EEIG2: variants seen among roughly 807,000 people sequenced by gnomAD.
EEIG2 encodes the protein family with sequence similarity 102 member B.
chr1:108,632,745 G>A, the EEIG2 span, among the ~76,000 whole-genome samples: 1 of 151,166 alleles, frequency 6.6e-6, no homozygotes. Context: ...AATATACTCA[G>A]TAAGCCCTGG....
the EEIG2 span, among the ~76,000 whole-genome samples, chr1:108,588,916 A>G: frequency 1.3e-5 from 2 of 152,234 alleles, no homozygotes; most frequent in East Asian, 1.9e-4. Flanking sequence ...GCATGAAGCT[A>G]TAAGACTTTT....
At chr1:108,636,680 G>A in the EEIG2 span, 1 of 152,128 alleles carries the variant, frequency 6.6e-6, no homozygotes, top group Non-Finnish European at 1.5e-5. Context: ...CTGAGAGAGA[G>A]AATGTTCTGA....
At chr1:108,596,137 C>T in the EEIG2 span, among the ~76,000 whole-genome samples, 2 of 149,948 alleles carry the variant, frequency 1.3e-5, no homozygotes, top group Non-Finnish European at 3.0e-5. Context: ...AAGATACCAT[C>T]CAATTTTCAT....
chr1:108,612,073 G>T, the EEIG2 span: 2 of 702,278 alleles, frequency 2.8e-6, no homozygotes, highest in East Asian at 5.5e-5. Context: ...AATAAATGAA[G>T]TTGGAGAAAA....
At chr1:108,626,750 C>T in the EEIG2 span, 1 of 152,164 alleles carries the variant, frequency 6.6e-6, no homozygotes, top group African/African-American at 2.4e-5. Flanking sequence ...CCCCTTTTCC[C>T]TCGGTTATTA....
chr1:108,560,590 G>A, the EEIG2 span: 1 of 1,602,124 alleles, frequency 6.2e-7, no homozygotes, highest in South Asian at 1.1e-5. Flanking sequence ...GCGCCGCCTC[G>A]CCCCTTTCTG....
chr1:108,600,446 A>C, the EEIG2 span: 6 of 1,164,832 alleles, frequency 5.2e-6, no homozygotes, highest in African/African-American at 1.5e-5. Flanking sequence ...TACACTGTTT[A>C]CAAATACTGG....
the EEIG2 span, among the ~76,000 whole-genome samples, chr1:108,579,738 G>GGTGTGT: frequency 9.3e-4 from 101 of 108,036 alleles, 1 homozygote; most frequent in African/African-American, 3.3e-3. Context: ...TTGTTTTTTT[G>GGTGTGT]GTGTGTGTGT....
the EEIG2 span, among the ~76,000 whole-genome samples, chr1:108,579,766 T>TGAGAGAGAGAGAGAGAGAGAGAGAGA: frequency 6.7e-5 from 1 of 14,828 alleles, no homozygotes; most frequent in Non-Finnish European, 2.0e-4. Context: ...TGTGTGTGTG[T>TGAGAGAGAGAGAGAGAGAGAGAGAGA]GTGTGTGAGA....
the EEIG2 span, among the ~76,000 whole-genome samples, chr1:108,616,124 C>CTTTTT: frequency 4.6e-5 from 6 of 129,800 alleles, no homozygotes; most frequent in African/African-American, 5.7e-5. Flanking sequence ...CCCACTTCTT[C>CTTTTT]TTTTTTTTTT....
chr1:108,606,305 A>G, the EEIG2 span: 1 of 1,269,658 alleles, frequency 7.9e-7, no homozygotes, highest in South Asian at 1.6e-5. Context: ...GCTTATTGCT[A>G]TTTATAGGCT....
the EEIG2 span, chr1:108,560,398 G>T: frequency 1.3e-6 from 2 of 1,552,142 alleles, no homozygotes; most frequent in Non-Finnish European, 1.7e-6. Flanking sequence ...GCCCGGCCGT[G>T]CGCCCAGCTT....
At chr1:108,565,087 G>T in the EEIG2 span, among the ~76,000 whole-genome samples, 1 of 152,212 alleles carries the variant, frequency 6.6e-6, no homozygotes, top group East Asian at 1.9e-4. Flanking sequence ...TTATTAAAAT[G>T]GTCAGGGTAA....
the EEIG2 span, among the ~76,000 whole-genome samples, chr1:108,607,397 C>T: frequency 6.6e-6 from 1 of 152,130 alleles, no homozygotes. Flanking sequence ...ATATGCCCAC[C>T]GTAAACTAGT....
the EEIG2 span, among the ~76,000 whole-genome samples, chr1:108,579,836 G>T: frequency 7.6e-6 from 1 of 131,846 alleles, no homozygotes; most frequent in African/African-American, 2.7e-5. Flanking sequence ...GCAGTGCGAT[G>T]ATGCATTCTT....
the EEIG2 span, among the ~76,000 whole-genome samples, chr1:108,621,166 C>G: frequency 6.6e-6 from 1 of 152,166 alleles, no homozygotes; most frequent in Non-Finnish European, 1.5e-5. Flanking sequence ...ATAAAGCAAT[C>G]AAATTAAAGT....
At chr1:108,632,941 C>T in the EEIG2 span, among the ~76,000 whole-genome samples, 1 of 131,642 alleles carries the variant, frequency 7.6e-6, no homozygotes. Context: ...ACCACCATGC[C>T]CAGCATTTTT....
the EEIG2 span, chr1:108,635,274 G>C: frequency 2.0e-5 from 26 of 1,303,010 alleles, no homozygotes; most frequent in African/African-American, 2.9e-5. Flanking sequence ...GCCAATGCTG[G>C]TTTCTTCTCT....
chr1:108,580,345 A>G, the EEIG2 span, among the ~76,000 whole-genome samples: 1 of 116,398 alleles, frequency 8.6e-6, no homozygotes, highest in East Asian at 2.4e-4. Flanking sequence ...CCTGAGACAA[A>G]ACAATATTAA....
Sources: gnomAD v4.1 joint callset for allele counts (sites outside exome capture counted in the v4.1 genomes callset) on GRCh38, gnomAD v4.1.1 for gene constraint, MANE v1.5 for transcripts, NCBI Gene and HGNC (gene_info 2026-07-23, HGNC 2026-07-21) for gene names.